TAF15: variants seen among roughly 807,000 people sequenced by gnomAD.
TAF15 encodes TATA-box binding protein associated factor 15, also known as TATA-binding protein-associated factor 2N.
A neutral mutation model predicts 102.5 loss-of-function variants in TAF15; 37 were observed. The observed-to-expected ratio is 0.36, with a 90% CI of 0.28 to 0.47. The LOEUF is 0.47. Ranked by LOEUF, TAF15 falls within the 20% of genes least tolerant of loss-of-function variation. TAF15 has a pLI of 0.99. For synonymous variants in TAF15, 273 were observed against 259.2 expected, an observed-to-expected ratio of 1.05 and a Z score of -0.51; for missense variants, 652 against 760.7, an observed-to-expected ratio of 0.86 and a Z score of 1.68.
chr17:35,821,278 G>A (rs977197087), intron 5 of TAF15, among the ~76,000 whole-genome samples: 1 of 152,104 alleles, frequency 6.6e-6, no homozygotes, highest in Non-Finnish European at 1.5e-5. Context: ...AGAAAGTAGA[G>A]TACAAATGTA....
chr17:35,844,558 GA>G lies in TAF15; in HGVS notation c.1260del (p.Asp421ThrfsTer225). 1 of 1,600,200 alleles carries G rather than the reference GA, an allele frequency of 6.2e-7. No homozygotes were observed. Among genetic ancestry groups the G allele is most frequent in the African/African-American group, 1.3e-5 (1 of 74,446 alleles). ...GGTGGAGACCGAGGCGGCTATGGTG[GA>G]GACAGAAGTGGGGGTGGCTATGGTG... ...GRGGDRGGYGGDRSGGGYGGD... is the reference protein window; with the variant it reads ...GRGGDRGGYGXDRSGGGYGGD... On this transcript the variant is annotated frameshift_variant, in exon 15 of 16. Coordinates refer to ENST00000605844, the MANE Select transcript of TAF15 (RefSeq NM_139215.3). LOFTEE classifies it high-confidence loss of function.
intron 1 of TAF15, chr17:35,817,450 GAATGGATTTTC>G: frequency 2.2e-6 from 1 of 453,378 alleles, no homozygotes; most frequent in East Asian, 4.0e-5. Context: ...TCTGTTTAAA[GAATGGATTTTC>G]ACTGTTTACA....
chr17:35,844,237 A>G (rs1266063396), intron 13 of TAF15, 43 bp from the exon 14 acceptor site: 1 of 1,612,130 alleles, frequency 6.2e-7, no homozygotes. Context: ...TTCTGAGTCC[A>G]TTAGAAACTA....
intron 2 of TAF15, among the ~76,000 whole-genome samples, chr17:35,819,381 A>C (rs574590862): frequency 4.6e-5 from 7 of 152,202 alleles, no homozygotes; most frequent in Admixed American, 2.6e-4. Flanking sequence ...TTAATATTCA[A>C]ATCCCAGGAG....
intron 9 of TAF15, 138 bp downstream of exon 9, chr17:35,834,736 A>ATTTATT: frequency 2.1e-5 from 5 of 239,372 alleles, no homozygotes; most frequent in Non-Finnish European, 3.4e-5. Flanking sequence ...GGGGAGCTTT[A>ATTTATT]TTTCTTTTTT....
chr17:35,809,544 G>A lies in TAF15; in HGVS notation c.-26G>A. The A allele has an allele frequency of 6.2e-7, 1 of 1,612,984 alleles. No individual in the cohort carries two copies. ...TATTCGTTGTTCTCGGCGGGCTGTG[G>A]GGCCTCCGCGCCGCGGCCGTTAGTC... is the stretch of plus-strand genomic sequence containing the variant. On this transcript the variant is annotated 5_prime_UTR_variant, in exon 1 of 16. Transcript: ENST00000605844.
chr17:35,838,510 T>C lies in TAF15; in HGVS notation c.870T>C (p.Phe290=). ...GKPKGEATVS[F]DDPPSAKAAI... ...CAAAGGGGGAGGCAACAGTGTCATTTGATGACCCTCCTTCAGCTAAGGCAG... is the reference window on the plus strand; with the variant it reads ...CAAAGGGGGAGGCAACAGTGTCATTCGATGACCCTCCTTCAGCTAAGGCAG... The change falls in exon 11 of 16, where the codon TTT becomes TTC. Residue 290 remains phenylalanine (F), a synonymous_variant. Coordinates refer to ENST00000605844, the MANE Select transcript of TAF15 (RefSeq NM_139215.3). 10 of 1,614,196 alleles carry C rather than the reference T, an allele frequency of 6.2e-6. No homozygotes were observed. The highest frequency in any genetic ancestry group is 8.5e-6 in the Non-Finnish European group (10 of 1,180,036).
chr17:35,823,208 T>C (rs1341652958), intron 6 of TAF15, among the ~76,000 whole-genome samples: 6 of 152,186 alleles, frequency 3.9e-5, no homozygotes, highest in Admixed American at 1.3e-4. Flanking sequence ...AGTTGAATAA[T>C]TGTAAGTGTA....
chr17:35,816,142 T>C (rs1384153342), intron 1 of TAF15, among the ~76,000 whole-genome samples: 1 of 152,148 alleles, frequency 6.6e-6, no homozygotes, highest in Non-Finnish European at 1.5e-5. Flanking sequence ...TTACTATTCT[T>C]AAGCATTAAA....
At position 35,822,738 on chromosome 17, in the gene TAF15, A is replaced by G. The variant is rs777176556; in HGVS notation, c.389A>G (p.Asp130Gly). 6.2e-7 allele frequency: 1 copy of G among 1,614,218 alleles called. No individual in the cohort carries two copies. Among genetic ancestry groups the G allele is most frequent in the South Asian group, 1.1e-5 (1 of 91,088 alleles). Residue 130 changes from aspartate (D) to glycine (G), a missense_variant, in exon 6 of 16, where the codon GAT becomes GGT. Physicochemically the swap from Asp to Gly is moderately conservative, Grantham distance 94. This residue lies in a region of TAF15 where 243 missense variants were observed against 284.1 expected (regional missense o/e 0.86). Coordinates refer to ENST00000605844, the MANE Select transcript of TAF15 (RefSeq NM_139215.3). ...TATGATCAACATCAAGGCTCATATG[A>G]TGAGCAGTCAAATTATGATCAGCAG... ...SGYDQHQGSYDEQSNYDQQHD... is the reference protein window; with the variant it reads ...SGYDQHQGSYGEQSNYDQQHD...
chr17:35,837,213 A>G (rs561253670), intron 10 of TAF15, among the ~76,000 whole-genome samples: 11 of 152,262 alleles, frequency 7.2e-5, no homozygotes, highest in Admixed American at 3.9e-4. Flanking sequence ...GTACAGTGGC[A>G]TAATCATGGG....
intron 8 of TAF15, 41 bp downstream of exon 8, chr17:35,833,982 A>G (rs762758800): frequency 1.7e-5 from 28 of 1,609,406 alleles, no homozygotes; most frequent in East Asian, 4.5e-5. Context: ...TGGAAATGCT[A>G]TATAAATCTA....
At chr17:35,813,994 TGTTG>T (rs775217263) in intron 1 of TAF15, among the ~76,000 whole-genome samples, 2 of 137,016 alleles carry the variant, frequency 1.5e-5, no homozygotes, top group South Asian at 2.2e-4. Flanking sequence ...CTGTTTTTTT[TGTTG>T]TTGTTGTTGT....
chr17:35,838,921 G>A (rs1034993073), intron 11 of TAF15, among the ~76,000 whole-genome samples: 12 of 152,016 alleles, frequency 7.9e-5, no homozygotes, highest in African/African-American at 2.9e-4. Flanking sequence ...TCTATCACTT[G>A]AATAATGTAC....
chr17:35,833,790 G>C (rs1234880289), intron 7 of TAF15, 117 bp from the exon 8 acceptor site: 7 of 941,206 alleles, frequency 7.4e-6, no homozygotes, highest in South Asian at 1.4e-5. Flanking sequence ...TGAAAACTTA[G>C]AGGTGCTACT....
intron 7 of TAF15, among the ~76,000 whole-genome samples, chr17:35,825,714 C>T (rs1013876420): frequency 6.6e-6 from 1 of 152,018 alleles, no homozygotes; most frequent in Non-Finnish European, 1.5e-5. Flanking sequence ...TTTGGGAGGC[C>T]GAGGCGGGCG....
intron 7 of TAF15, among the ~76,000 whole-genome samples, chr17:35,833,107 A>G (rs941099110): frequency 7.2e-5 from 11 of 152,030 alleles, no homozygotes; most frequent in African/African-American, 2.4e-4. Context: ...CAGTGAGCCA[A>G]GATCCCACCA....
At position 35,822,670 on chromosome 17, in the gene TAF15, G is replaced by T. The variant is rs781461546; in HGVS notation, c.321G>T (p.Gln107His). ...GTGGAAGAGCACCTTCCTATGACCA[G>T]CCAGACTATGGTCAACAAGATTCAT... The part of the protein sequence containing the change: ...SQGGRAPSYD[Q>H]PDYGQQDSYD... Residue 107 changes from glutamine to histidine, a missense_variant, in exon 6 of 16, where the codon CAG becomes CAT. Physicochemically the swap from Gln to His is conservative, Grantham distance 24. Transcript: ENST00000605844. 1.9e-6 allele frequency: 3 copies of T among 1,614,000 alleles called. No individual in the cohort carries two copies. The highest frequency in any genetic ancestry group is 2.5e-6 in the Non-Finnish European group (3 of 1,179,970).
At chr17:35,824,451 A>G (rs1446244001) in intron 7 of TAF15, among the ~76,000 whole-genome samples, 1 of 152,140 alleles carries the variant, frequency 6.6e-6, no homozygotes, top group Non-Finnish European at 1.5e-5. Flanking sequence ...AGAAACAACT[A>G]TGGTTGTGAT....
Sources: allele counts gnomAD v4.1 joint callset (sites outside exome capture counted in the v4.1 genomes callset), GRCh38; gene constraint gnomAD v4.1.1; regional missense constraint gnomAD v4.1.1; transcripts MANE v1.5; gene names NCBI Gene and HGNC (gene_info 2026-07-23, HGNC 2026-07-21).